BCL11A: variants seen among roughly 807,000 people sequenced by gnomAD.
BCL11A encodes the protein B cell CLL/lymphoma 11A.
In BCL11A, 2 loss-of-function variants were observed where a neutral mutation model predicts 55.9. The ratio of observed to expected loss-of-function variants is 0.04; its 90% CI spans 0.01 to 0.11. The LOEUF (loss-of-function observed/expected upper bound fraction) is 0.11. BCL11A is among the 10% of genes least tolerant of loss of function. BCL11A has a pLI of 1.00. For synonymous variants in BCL11A, 465 were observed against 473.4 expected, an observed-to-expected ratio of 0.98 and a Z score of 0.23; for missense variants, 817 against 1,137.1, an observed-to-expected ratio of 0.72 and a Z score of 4.05.
At chr2:60,468,536 A>G (rs550831037) in intron 3 of BCL11A, among the ~76,000 whole-genome samples, 196 bp downstream of exon 3, 4 of 152,300 alleles carry the variant, frequency 2.6e-5, no homozygotes, top group African/African-American at 7.2e-5. Context: ...TCCAGTGAGG[A>G]AAGAAAAAGG....
intron 2 of BCL11A, among the ~76,000 whole-genome samples, chr2:60,538,739 C>G (rs2556379): frequency 0.05 from 3,349 of 67,458 alleles, 109 homozygotes; most frequent in African/African-American, 0.11. Flanking sequence ...CTCTCTCTCT[C>G]TGTGTGTGTG....
At chr2:60,540,948 G>C (rs1435228901) in intron 2 of BCL11A, among the ~76,000 whole-genome samples, 1 of 33,556 alleles carries the variant, frequency 3.0e-5, no homozygotes, top group Non-Finnish European at 7.4e-5. Context: ...CACTGGTTTT[G>C]TGTGTGTGTG....
intron 1 of BCL11A, among the ~76,000 whole-genome samples, chr2:60,547,383 CTT>C (rs537653391): frequency 6.8e-6 from 1 of 146,752 alleles, no homozygotes. Context: ...TTCCTGTTTG[CTT>C]TTTTTTTTAA....
chr2:60,535,907 A>C (rs1285035630), intron 2 of BCL11A: 1 of 152,192 alleles, frequency 6.6e-6, no homozygotes, highest in African/African-American at 2.4e-5. Context: ...AGGCTTTCCA[A>C]TTACTAGTCT....
At chr2:60,520,547 A>T (rs1180325679) in intron 2 of BCL11A, among the ~76,000 whole-genome samples, 1 of 152,238 alleles carries the variant, frequency 6.6e-6, no homozygotes, top group Non-Finnish European at 1.5e-5. Context: ...TATAAGAAGG[A>T]GAAATTATCC....
chr2:60,538,965 C>CA (rs1159996105), intron 2 of BCL11A, among the ~76,000 whole-genome samples: 1 of 151,920 alleles, frequency 6.6e-6, no homozygotes, highest in African/African-American at 2.4e-5. Flanking sequence ...CCAGCACATG[C>CA]AAAAAAATTC....
intron 2 of BCL11A, among the ~76,000 whole-genome samples, chr2:60,469,161 A>T (rs1677058013): frequency 6.6e-6 from 1 of 152,160 alleles, no homozygotes; most frequent in South Asian, 2.1e-4. Context: ...CAGCAAGGGG[A>T]AAACTGGTAA....
At chr2:60,533,770 A>T (rs1669557132) in intron 2 of BCL11A, 1 of 152,230 alleles carries the variant, frequency 6.6e-6, no homozygotes, top group African/African-American at 2.4e-5. Context: ...CCATCAGTTC[A>T]TCTTACTGCC....
At chr2:60,543,052 A>AC (rs1669998234) in intron 2 of BCL11A, 1 of 151,714 alleles carries the variant, frequency 6.6e-6, no homozygotes, top group African/African-American at 2.4e-5. Context: ...AAAAAAAAAA[A>AC]ACTCAGCTTG....
At chr2:60,541,325 T>C (rs1391851216) in intron 2 of BCL11A, among the ~76,000 whole-genome samples, 3 of 152,232 alleles carry the variant, frequency 2.0e-5, no homozygotes, top group Admixed American at 6.5e-5. Context: ...TTCTACATTT[T>C]AGATATATTT....
At chr2:60,522,397 A>G (rs1207965401) in intron 2 of BCL11A, 1 of 152,218 alleles carries the variant, frequency 6.6e-6, no homozygotes, top group East Asian at 1.9e-4. Context: ...AGTCACAAAT[A>G]AAGTCCCGTA....
intron 3 of BCL11A, among the ~76,000 whole-genome samples, chr2:60,465,623 C>CT (rs1296294242): frequency 6.6e-6 from 1 of 152,174 alleles, no homozygotes; most frequent in African/African-American, 2.4e-5. Context: ...GACTGGAGGC[C>CT]TAGCTCTATT....
intron 2 of BCL11A, chr2:60,542,465 T>C (rs1002198998): frequency 6.6e-6 from 1 of 152,206 alleles, no homozygotes; most frequent in African/African-American, 2.4e-5. Context: ...AAGCTCTGAC[T>C]GCAAGTCAAA....
chr2:60,475,219 C>A (rs981119147), intron 2 of BCL11A, among the ~76,000 whole-genome samples: 1 of 152,220 alleles, frequency 6.6e-6, no homozygotes, highest in Non-Finnish European at 1.5e-5. Context: ...AATAAATCCT[C>A]TGAAGATTTC....
intron 2 of BCL11A, chr2:60,533,930 T>C (rs1198903379): frequency 6.6e-6 from 1 of 152,264 alleles, no homozygotes; most frequent in Non-Finnish European, 1.5e-5. Flanking sequence ...GTTAAAATTA[T>C]AGTTATGTTT....
intron 1 of BCL11A, among the ~76,000 whole-genome samples, chr2:60,548,752 A>G (rs1298954639): frequency 6.6e-6 from 1 of 152,204 alleles, no homozygotes; most frequent in East Asian, 1.9e-4. Context: ...GTTCAGAGAA[A>G]TACCAAAACG....
chr2:60,549,514 A>G (rs947178610), intron 1 of BCL11A, among the ~76,000 whole-genome samples: 1 of 152,218 alleles, frequency 6.6e-6, no homozygotes, highest in African/African-American at 2.4e-5. Flanking sequence ...CCGTGCAGAA[A>G]GTGAAGTTGG....
chr2:60,454,410 A>G (rs1419609733), downstream of BCL11A, among the ~76,000 whole-genome samples: 2 of 152,208 alleles, frequency 1.3e-5, no homozygotes, highest in Non-Finnish European at 2.9e-5. Context: ...AACTCTGCCA[A>G]TCCCATCCTC....
intron 2 of BCL11A, among the ~76,000 whole-genome samples, chr2:60,493,505 T>C (rs1678768656): frequency 6.6e-6 from 1 of 151,992 alleles, no homozygotes; most frequent in African/African-American, 2.4e-5. Context: ...CTATTCCGAA[T>C]AGAAACCTCT....
Sources: gnomAD v4.1 joint callset for allele counts (sites outside exome capture counted in the v4.1 genomes callset) on GRCh38, gnomAD v4.1.1 for gene constraint, MANE v1.5 for transcripts, NCBI Gene and HGNC (gene_info 2026-07-23, HGNC 2026-07-21) for gene names.